Variants in CDKL4 observed in about 807,000 individuals in gnomAD.
CDKL4 encodes cyclin dependent kinase like 4.
A neutral mutation model predicts 42.0 loss-of-function variants in CDKL4; 44 were observed. That is an observed-to-expected ratio of 1.05 (90% CI 0.82 to 1.35). The LOEUF (loss-of-function observed/expected upper bound fraction) is 1.35. Ranked by LOEUF, CDKL4 falls within the 40% of genes most tolerant of loss-of-function variation. The probability of loss-of-function intolerance (pLI) is 0.00; values close to 1 mark genes in which losing one functional copy is unlikely to be tolerated. For synonymous variants in CDKL4, 120 were observed against 121.6 expected (o/e 0.99, Z 0.09); for missense variants, 393 against 369.9 (o/e 1.06, Z -0.51).
intron 3 of CDKL4, among the ~76,000 whole-genome samples, chr2:39,220,976 C>CTTTTTTTTTTTTTGTTGTTGTTGTTTTTT (rs1678289628): frequency 2.0e-5 from 1 of 49,146 alleles, no homozygotes; most frequent in African/African-American, 7.3e-5. Context: ...CATCGACGAT[C>CTTTTTTTTTTTTTGTTGTTGTTGTTTTTT]TTTTTTTTTT....
chr2:39,176,720 C>T (rs185186880), intron 9 of CDKL4, among the ~76,000 whole-genome samples: 192 of 152,344 alleles, frequency 1.3e-3, no homozygotes, highest in Non-Finnish European at 2.0e-3. Flanking sequence ...AGGTGTGGGC[C>T]ACCCACCTGG....
intron 8 of CDKL4, among the ~76,000 whole-genome samples, chr2:39,182,965 G>C (rs1475033134): frequency 6.6e-6 from 1 of 152,138 alleles, no homozygotes. Flanking sequence ...ACCAGTTATG[G>C]TAGCCAGTAC....
At chr2:39,218,640 G>A (rs911261642) in intron 3 of CDKL4, among the ~76,000 whole-genome samples, 3 of 152,178 alleles carry the variant, frequency 2.0e-5, no homozygotes, top group African/African-American at 7.2e-5. Context: ...CATCAAACCC[G>A]TTGAAGGCCT....
chr2:39,172,815 C>A (rs777846402), downstream of CDKL4, among the ~76,000 whole-genome samples: 8 of 152,142 alleles, frequency 5.3e-5, no homozygotes, highest in Non-Finnish European at 1.2e-4. Context: ...CTCCTGACCT[C>A]AGGTGATCCG....
downstream of CDKL4, among the ~76,000 whole-genome samples, chr2:39,171,955 T>C (rs1675010839): frequency 6.6e-6 from 1 of 152,192 alleles, no homozygotes; most frequent in Admixed American, 6.5e-5. Flanking sequence ...AAACTCATAA[T>C]TACGGGATCA....
intron 4 of CDKL4, among the ~76,000 whole-genome samples, chr2:39,209,068 A>T (rs1677402468): frequency 6.6e-6 from 1 of 151,260 alleles, no homozygotes; most frequent in African/African-American, 2.4e-5. Context: ...TGGGAGGCCA[A>T]GGTGGGAGAA....
chr2:39,168,278 T>G, the CDKL4 span, among the ~76,000 whole-genome samples: 1 of 152,204 alleles, frequency 6.6e-6, no homozygotes, highest in African/African-American at 2.4e-5. Flanking sequence ...AAATAATAAA[T>G]GGACACACAG....
chr2:39,172,576 A>G (rs1675031635), downstream of CDKL4, among the ~76,000 whole-genome samples: 1 of 151,854 alleles, frequency 6.6e-6, no homozygotes. Context: ...TCAGAAGCTG[A>G]TTTTTCTTTT....
At chr2:39,247,036 C>G (rs965343926), upstream of CDKL4, among the ~76,000 whole-genome samples, 1 of 152,236 alleles carries the variant, frequency 6.6e-6, no homozygotes, top group African/African-American at 2.4e-5. Flanking sequence ...AGCCATCACA[C>G]TGGGCCTGTA....
chr2:39,200,330 A>T (rs1045900710), intron 5 of CDKL4, among the ~76,000 whole-genome samples: 3 of 152,200 alleles, frequency 2.0e-5, no homozygotes, highest in African/African-American at 7.2e-5. Flanking sequence ...TGCTGAAAGA[A>T]ATCATAGATG....
intron 7 of CDKL4, among the ~76,000 whole-genome samples, chr2:39,185,165 T>C (rs527714392): frequency 7.5e-6 from 1 of 133,294 alleles, no homozygotes; most frequent in East Asian, 2.2e-4. Flanking sequence ...TATACACATA[T>C]GTATATATAT....
intron 1 of CDKL4, among the ~76,000 whole-genome samples, chr2:39,232,796 G>C (rs889664070): frequency 6.6e-6 from 1 of 151,796 alleles, no homozygotes; most frequent in East Asian, 1.9e-4. Flanking sequence ...CTGTAATCCC[G>C]GCACTTTGGG....
intron 4 of CDKL4, among the ~76,000 whole-genome samples, chr2:39,205,177 A>T (rs1677087546): frequency 6.6e-6 from 1 of 152,178 alleles, no homozygotes; most frequent in African/African-American, 2.4e-5. Context: ...CCCTGTCTCG[A>T]AAACAAAAAA....
chr2:39,208,665 A>C (rs1402103174), intron 4 of CDKL4, among the ~76,000 whole-genome samples: 1 of 150,964 alleles, frequency 6.6e-6, no homozygotes, highest in Non-Finnish European at 1.5e-5. Context: ...TTTAGCAAAC[A>C]ATGCTCAGGT....
intron 9 of CDKL4, among the ~76,000 whole-genome samples, chr2:39,176,840 G>T (rs1487069647): frequency 1.3e-5 from 2 of 152,110 alleles, no homozygotes; most frequent in Non-Finnish European, 2.9e-5. Context: ...TGAATGAAAA[G>T]ACTTTTTTCT....
chr2:39,231,219 A>AAAACAAAC (rs144520887), intron 1 of CDKL4, among the ~76,000 whole-genome samples: 21 of 151,320 alleles, frequency 1.4e-4, no homozygotes, highest in African/African-American at 4.1e-4. Context: ...CTCAAAAACA[A>AAAACAAAC]AAACAAACAA....
chr2:39,213,914 G>A (rs866753201), intron 3 of CDKL4, among the ~76,000 whole-genome samples: 1 of 142,558 alleles, frequency 7.0e-6, no homozygotes, highest in South Asian at 2.1e-4. Context: ...GTTTTGTTTT[G>A]TTTTGTTTTG....
At chr2:39,184,494 T>G in intron 8 of CDKL4, 97 bp downstream of exon 8, 1 of 724,416 alleles carries the variant, frequency 1.4e-6, no homozygotes, top group Non-Finnish European at 2.4e-6. Flanking sequence ...ACATCCTATT[T>G]TGGCATTATT....
At position 39,225,854 on chromosome 2, in the gene CDKL4, T is replaced by C. The variant is rs372955336; in HGVS notation, c.275A>G (p.Glu92Gly). Residue 92 changes from glutamate (E) to glycine (G), a missense_variant, in exon 3 of 10, where the codon GAA becomes GGA. Physicochemically the swap from Glu to Gly is moderately conservative, Grantham distance 98. Coordinates refer to ENST00000451199, the Ensembl canonical transcript of CDKL4. ...GATTACTTACCCATTTGGGTTTCTT[T>C]CCAGCTCATTTAAAAGTGTATGATC... The C allele has an allele frequency of 1.7e-4, 272 of 1,603,770 alleles. 1 individual carries two copies. The highest frequency in any genetic ancestry group is 2.2e-4 in the Non-Finnish European group (261 of 1,176,114).
Sources: allele counts gnomAD v4.1 joint callset (sites outside exome capture counted in the v4.1 genomes callset), GRCh38; gene constraint gnomAD v4.1.1; transcripts MANE v1.5; gene names NCBI Gene and HGNC (gene_info 2026-07-23, HGNC 2026-07-21).